POM121: variants seen among roughly 807,000 people sequenced by gnomAD.
POM121 encodes POM121 transmembrane nucleoporin.
POM121 carries 32 observed loss-of-function variants against 81.3 expected under a neutral mutation model. The ratio of observed to expected loss-of-function variants is 0.39; its 90% CI spans 0.30 to 0.53. The LOEUF (loss-of-function observed/expected upper bound fraction) is 0.53. Ranked by LOEUF, POM121 falls within the 20% of genes least tolerant of loss-of-function variation. The pLI is 0.66. For synonymous variants in POM121, 514 were observed against 694.2 expected, an observed-to-expected ratio of 0.74 and a Z score of 4.08; for missense variants, 1,138 against 1,614.6, an observed-to-expected ratio of 0.70 and a Z score of 5.06.
chr7:72,910,121 G>T (rs1392419477), intron 3 of POM121, among the ~76,000 whole-genome samples: 4 of 152,212 alleles, frequency 2.6e-5, no homozygotes, highest in Non-Finnish European at 5.9e-5. Flanking sequence ...CTTGCTGCTA[G>T]CGTTCATTTA....
chr7:72,945,336 G>A (rs1355686879), intron 11 of POM121, among the ~76,000 whole-genome samples: 9 of 151,802 alleles, frequency 5.9e-5, no homozygotes, highest in Non-Finnish European at 8.9e-5. Flanking sequence ...CCACGAGGTG[G>A]CTGCGGGGCA....
intron 4 of POM121, among the ~76,000 whole-genome samples, chr7:72,916,597 C>T (rs1190669417): frequency 6.6e-6 from 1 of 152,114 alleles, no homozygotes; most frequent in East Asian, 1.9e-4. Context: ...AGTCAGGTAG[C>T]GTGATGCCTA....
In POM121 at chr7:72,926,213, G is replaced by A. The variant is rs782613101; in HGVS notation, c.645-49G>A. The A allele has an allele frequency of 3.3e-6, 5 of 1,514,054 alleles. No individual in the cohort carries two copies. The South Asian group carries it at 6.0e-5, about 18-fold the overall frequency. The allele number at this position is 1,514,054 out of a possible 1,614,324, so 93.8% of individuals were successfully genotyped here. A position where few individuals can be genotyped will look rare whatever the true frequency, so the allele number is the denominator to read the frequency against. On this transcript the variant is annotated intron_variant, in intron 1 of 12. Coordinates refer to ENST00000434423, the MANE Select transcript of POM121 (RefSeq NM_001387691.1). ...TGGGTTTTTAACCGTTTAAAAATTT[G>A]ACATTCTTTTTTGCTTTGGTTCCGT...
Position 72,925,292 on chromosome 7 carries a change from G to C in POM121, c.171G>C (p.Trp57Cys). The C allele has an allele frequency of 2.0e-6, 3 of 1,534,620 alleles. No individual in the cohort carries two copies. The highest frequency in any genetic ancestry group is 2.6e-6 in the Non-Finnish European group (3 of 1,146,494). ...YLVPAAAALA[W>C]LTVGATAAWW... ...TGCCGGCTGCGGCTGCACTGGCCTG[G>C]CTGACCGTGGGGGCTACCGCGGCCT... Residue 57 changes from tryptophan (W) to cysteine (C), a missense_variant, in exon 1 of 13, where the codon TGG becomes TGC. Coordinates refer to ENST00000434423, the MANE Select transcript of POM121 (RefSeq NM_001387691.1).
intron 1 of POM121, chr7:72,879,958 T>G (rs2129574148): frequency 4.5e-6 from 2 of 441,378 alleles, no homozygotes; most frequent in South Asian, 3.3e-5. Flanking sequence ...GACCTTAGAG[T>G]GTGGGGCAGA....
At chr7:72,936,951 A>C (rs558405744) in intron 5 of POM121, among the ~76,000 whole-genome samples, 195 of 151,254 alleles carry the variant, frequency 1.3e-3, no homozygotes, top group African/African-American at 4.4e-3. Flanking sequence ...TCGGCCATCT[A>C]TGTGCTTTTA....
chr7:72,909,090 A>T (rs1481681275), intron 3 of POM121, among the ~76,000 whole-genome samples: 2 of 152,240 alleles, frequency 1.3e-5, no homozygotes, highest in African/African-American at 4.8e-5. Flanking sequence ...GTAAGAAATT[A>T]TAAAAGTATT....
intron 3 of POM121, among the ~76,000 whole-genome samples, chr7:72,897,430 G>A (rs1369775583): frequency 6.6e-6 from 1 of 152,230 alleles, no homozygotes; most frequent in Non-Finnish European, 1.5e-5. Context: ...CAAAGGTGGA[G>A]AGAGTTGAGA....
chr7:72,900,550 G>A (rs1344746349), intron 3 of POM121, among the ~76,000 whole-genome samples: 1 of 151,876 alleles, frequency 6.6e-6, no homozygotes, highest in East Asian at 1.9e-4. Context: ...TGTCACCCAG[G>A]CTGGAGTGCA....
exon 2 of POM121, chr7:72,890,710 C>T (rs1249786735): frequency 5.7e-5 from 91 of 1,601,502 alleles, no homozygotes; most frequent in South Asian, 1.5e-4. Context: ...AGATAACATA[C>T]GGGGATGTGA....
In POM121 at chr7:72,946,038, T is replaced by C. The variant is rs1351708873; in HGVS notation, c.3653-99T>C. 3 of 1,511,574 alleles carry C rather than the reference T, an allele frequency of 2.0e-6. No individual in the cohort carries two copies. The African/African-American group carries it at 4.2e-5, about 21-fold the overall frequency. 93.6% of individuals were successfully genotyped at this position (1,511,574 alleles called of 1,614,324 possible). The stretch of plus-strand genomic sequence containing the variant: ...CGGGGAAAGCCCTATTGAGGCACCC[T>C]GTGTTTTATTACTGGCCTGGCCTTC... On this transcript the variant is annotated intron_variant, in intron 12 of 12. Transcript: ENST00000434423.
intron 5 of POM121, among the ~76,000 whole-genome samples, chr7:72,933,282 A>G (rs1191274725): frequency 6.6e-6 from 1 of 151,564 alleles, no homozygotes; most frequent in African/African-American, 2.4e-5. Context: ...TGACCCTGAA[A>G]GGCAGAGGTC....
chr7:72,879,513 C>G (rs1789917299), exon 1 of POM121: 1 of 251,172 alleles, frequency 4.0e-6, no homozygotes, highest in Admixed American at 6.2e-5. Flanking sequence ...AGGGTTCGCG[C>G]GGGCCGGGTA....
intron 3 of POM121, among the ~76,000 whole-genome samples, chr7:72,900,437 C>T (rs779928057): frequency 8.6e-5 from 13 of 151,342 alleles, no homozygotes; most frequent in Non-Finnish European, 1.6e-4. Flanking sequence ...GAAGAGCCAA[C>T]ATTTGGTTTA....
At chr7:72,922,559 T>G (rs1267174955), upstream of POM121, among the ~76,000 whole-genome samples, 15 of 151,638 alleles carry the variant, frequency 9.9e-5, no homozygotes, top group East Asian at 3.9e-4. Context: ...TTTTTGTGTT[T>G]TTTTTTTTTT....
intron 3 of POM121, among the ~76,000 whole-genome samples, chr7:72,910,616 A>C (rs1554494113): frequency 6.6e-6 from 1 of 151,528 alleles, no homozygotes; most frequent in East Asian, 1.9e-4. Flanking sequence ...GTGTTGGCCC[A>C]AGGTGGGGAG....
intron 3 of POM121, among the ~76,000 whole-genome samples, chr7:72,902,255 C>CTTTTTTT (rs1210238081): frequency 5.5e-5 from 7 of 126,620 alleles, no homozygotes; most frequent in East Asian, 2.3e-4. Context: ...CTTTTTCTTT[C>CTTTTTTT]TTTTTTTTTT....
At chr7:72,896,262 A>G (rs1331107416) in intron 3 of POM121, among the ~76,000 whole-genome samples, 1 of 152,184 alleles carries the variant, frequency 6.6e-6, no homozygotes, top group African/African-American at 2.4e-5. Context: ...AGGTGGGCAG[A>G]TCACTTGAGC....
chr7:72,888,709 C>T (rs1473028160), intron 1 of POM121, among the ~76,000 whole-genome samples: 1 of 139,210 alleles, frequency 7.2e-6, no homozygotes, highest in African/African-American at 3.2e-5. Flanking sequence ...TGTGTATACA[C>T]ACAAACTGTA....
Sources: allele counts gnomAD v4.1 joint callset (sites outside exome capture counted in the v4.1 genomes callset), GRCh38; gene constraint gnomAD v4.1.1; transcripts MANE v1.5; gene names NCBI Gene and HGNC (gene_info 2026-07-23, HGNC 2026-07-21).